The following CDH12 variants were observed in gnomAD, a reference collection of about 807,000 sequenced individuals.
The protein encoded by CDH12 is cadherin-12.
A neutral mutation model predicts 74.1 loss-of-function variants in CDH12; 41 were observed. The observed-to-expected ratio is 0.55, with a 90% CI of 0.43 to 0.72. CDH12 has a LOEUF of 0.72. CDH12 is among the 30% of genes least tolerant of loss of function. The pLI is 0.00. For synonymous variants in CDH12, 399 were observed against 355.0 expected, an observed-to-expected ratio of 1.12 and a Z score of -1.39; for missense variants, 945 against 977.2, an observed-to-expected ratio of 0.97 and a Z score of 0.44.
At chr5:21,815,883 T>A (rs1748012050) in intron 9 of CDH12, among the ~76,000 whole-genome samples, 1 of 152,172 alleles carries the variant, frequency 6.6e-6, no homozygotes, top group Non-Finnish European at 1.5e-5. Context: ...ATTAATCTTT[T>A]GTCTATATTT....
At chr5:22,564,839 T>G (rs1350253084) in intron 1 of CDH12, among the ~76,000 whole-genome samples, 1 of 152,240 alleles carries the variant, frequency 6.6e-6, no homozygotes, top group African/African-American at 2.4e-5. Context: ...TGAATCTTGG[T>G]TATAGTGAAT....
At chr5:22,355,137 T>A (rs1435318830) in intron 3 of CDH12, among the ~76,000 whole-genome samples, 1 of 150,864 alleles carries the variant, frequency 6.6e-6, no homozygotes, top group Non-Finnish European at 1.5e-5. Flanking sequence ...TTATAAATGA[T>A]TTTGGATGAC....
intron 3 of CDH12, among the ~76,000 whole-genome samples, chr5:22,388,769 C>T (rs748236247): frequency 5.3e-5 from 8 of 152,050 alleles, no homozygotes; most frequent in Non-Finnish European, 7.4e-5. Context: ...TAAATGTTAA[C>T]GTAAATGCCT....
At chr5:22,092,470 C>T (rs1743493234) in intron 4 of CDH12, among the ~76,000 whole-genome samples, 1 of 152,032 alleles carries the variant, frequency 6.6e-6, no homozygotes. Flanking sequence ...GACATTTCTC[C>T]AAATCAGATA....
At chr5:22,163,124 G>A (rs1748464502) in intron 4 of CDH12, among the ~76,000 whole-genome samples, 1 of 151,858 alleles carries the variant, frequency 6.6e-6, no homozygotes, top group African/African-American at 2.4e-5. Context: ...CTCGTGATCC[G>A]CCCACCTCGG....
At position 21,771,509 on chromosome 5, in the gene CDH12, A is replaced by C. The variant is rs143493758; in HGVS notation, c.1394-6410T>G. ...TGATTCCATAAAGGTGGATTCAAAGATTTTCTGATGGGCAATTGGTTGAGA... is the reference window on the plus strand; with the variant it reads ...TGATTCCATAAAGGTGGATTCAAAGCTTTTCTGATGGGCAATTGGTTGAGA... On this transcript the variant is annotated intron_variant, in intron 11 of 14. Coordinates refer to ENST00000382254, the MANE Select transcript of CDH12 (RefSeq NM_004061.5). Among the ~76,000 whole-genome samples, 593 of 152,220 alleles carry C rather than the reference A, an allele frequency of 3.9e-3. 6 individuals carry two copies. The highest frequency in any genetic ancestry group is 0.014 in the African/African-American group (576 of 41,546).
At chr5:21,954,871 T>C (rs1305054588) in intron 6 of CDH12, among the ~76,000 whole-genome samples, 2 of 152,204 alleles carry the variant, frequency 1.3e-5, no homozygotes, top group East Asian at 3.9e-4. Flanking sequence ...TTATCCCTCA[T>C]TAAATGTAAA....
intron 3 of CDH12, among the ~76,000 whole-genome samples, chr5:22,357,620 G>A (rs553970002): frequency 1.6e-4 from 25 of 152,168 alleles, no homozygotes; most frequent in Non-Finnish European, 2.4e-4. Context: ...TAAGTAAAAC[G>A]CATTGGATTG....
At chr5:21,755,956 TA>T (rs1744373188) in intron 13 of CDH12, 114 bp from the exon 14 acceptor site, 1 of 954,054 alleles carries the variant, frequency 1.0e-6, no homozygotes, top group African/African-American at 1.6e-5. Context: ...AATGGATTCT[TA>T]TTTTTTTTAT....
At chr5:22,001,441 C>T (rs1440915678) in intron 5 of CDH12, among the ~76,000 whole-genome samples, 1 of 152,112 alleles carries the variant, frequency 6.6e-6, no homozygotes, top group Non-Finnish European at 1.5e-5. Context: ...TCACCTTATG[C>T]AGTAAACATG....
At chr5:22,186,681 G>GT (rs1749968870) in intron 4 of CDH12, among the ~76,000 whole-genome samples, 3 of 152,156 alleles carry the variant, frequency 2.0e-5, no homozygotes, top group Non-Finnish European at 4.4e-5. Flanking sequence ...ACGTTGGCCA[G>GT]TCTGGTCTTG....
chr5:22,397,446 T>A (rs376404782), intron 3 of CDH12, among the ~76,000 whole-genome samples: 2 of 151,444 alleles, frequency 1.3e-5, no homozygotes, highest in African/African-American at 4.9e-5. Context: ...CTAATTGCAA[T>A]TGATTCCAGG....
chr5:21,891,657 G>A (rs1302036236), intron 6 of CDH12, among the ~76,000 whole-genome samples: 3 of 151,318 alleles, frequency 2.0e-5, no homozygotes, highest in Non-Finnish European at 4.4e-5. Flanking sequence ...AAGGATCAGA[G>A]TTAATCTTTG....
chr5:21,833,070 TAATATATATTATATTATA>T (rs1180662282), intron 8 of CDH12, among the ~76,000 whole-genome samples: 47 of 72,492 alleles, frequency 6.5e-4, no homozygotes, highest in African/African-American at 1.3e-3. Flanking sequence ...ATATAACATA[TAATATATATTATATTATA>T]AATATATATT....
At chr5:22,078,379 C>T in intron 5 of CDH12, 67 bp downstream of exon 5, 1 of 1,376,588 alleles carries the variant, frequency 7.3e-7, no homozygotes. Flanking sequence ...GCAAAACATC[C>T]ATACAAAATA....
intron 1 of CDH12, among the ~76,000 whole-genome samples, chr5:22,551,614 T>C (rs1431529963): frequency 6.6e-6 from 1 of 152,146 alleles, no homozygotes; most frequent in Non-Finnish European, 1.5e-5. Flanking sequence ...CTAGATGCAA[T>C]TTCTTTATCA....
rs1036449474 is a variant in CDH12, at chr5:22,346,534, C to T, written c.-333+58723G>A. 2.6e-5 allele frequency among the ~76,000 whole-genome samples: 4 copies of T among 152,018 alleles called. No individual in the cohort carries two copies. The South Asian group carries it at 6.2e-4, about 24-fold the overall frequency. ...CTTTCCACACAGAAAAAAATGAATACAAGTGATAGATTATATAATAGATTC... is the reference window on the plus strand; with the variant it reads ...CTTTCCACACAGAAAAAAATGAATATAAGTGATAGATTATATAATAGATTC... On this transcript the variant is annotated intron_variant, in intron 3 of 14. Coordinates refer to ENST00000382254, the MANE Select transcript of CDH12 (RefSeq NM_004061.5).
At chr5:22,831,180 A>G (rs1736584595) in intron 1 of CDH12, among the ~76,000 whole-genome samples, 2 of 152,172 alleles carry the variant, frequency 1.3e-5, no homozygotes, top group Admixed American at 1.3e-4. Context: ...AGAGAAATAT[A>G]TATTTCTATA....
intron 4 of CDH12, among the ~76,000 whole-genome samples, chr5:22,085,196 T>C (rs951216820): frequency 2.0e-5 from 3 of 152,048 alleles, no homozygotes; most frequent in Middle Eastern, 6.8e-3. Context: ...TAAATGGTCA[T>C]ATATCAAAGC....
Sources: allele counts gnomAD v4.1 joint callset (sites outside exome capture counted in the v4.1 genomes callset), GRCh38; gene constraint gnomAD v4.1.1; transcripts MANE v1.5; gene names NCBI Gene and HGNC (gene_info 2026-07-23, HGNC 2026-07-21).